Variants in TADA1 observed in about 807,000 individuals in gnomAD.
The protein encoded by TADA1 is transcriptional adapter 1.
A neutral mutation model predicts 39.3 loss-of-function variants in TADA1; 23 were observed. That is an observed-to-expected ratio of 0.58 (90% confidence interval 0.42 to 0.83). The LOEUF is 0.83. Ranked by LOEUF, TADA1 falls within the 40% of genes least tolerant of loss-of-function variation. The pLI is 0.00. For missense variants in TADA1, 352 were observed against 408.1 expected (o/e 0.86, Z 1.18); for synonymous variants, 137 against 151.8 (o/e 0.90, Z 0.72).
chr1:166,858,263 A>G lies in TADA1; in HGVS notation c.711T>C (p.Ala237=). ...NLIESPPAFT[A]PCAGQNPASH... ...AAGCTGGATTCTGACCAGCACAGGG[A>G]GCAGTAAAAGCTGGAGGGCTGAAAA... The change falls in exon 7 of 8, where the codon GCT becomes GCC. Residue 237 remains alanine, a synonymous_variant. Transcript: ENST00000367874. The G allele has an allele frequency of 1.3e-6, 2 of 1,565,616 alleles. No individual in the cohort carries two copies. The highest frequency in any genetic ancestry group is 1.7e-6 in the Non-Finnish European group (2 of 1,159,800).
intron 3 of TADA1, 63 bp downstream of exon 3, chr1:166,869,382 G>T: frequency 7.1e-7 from 1 of 1,406,222 alleles, no homozygotes; most frequent in South Asian, 1.2e-5. Flanking sequence ...GTGTCTATTA[G>T]AGAAAGCTAA....
intron 6 of TADA1, among the ~76,000 whole-genome samples, chr1:166,859,059 C>T (rs1218131932): frequency 2.0e-5 from 3 of 152,158 alleles, no homozygotes; most frequent in African/African-American, 7.2e-5. Context: ...AAGAATGATC[C>T]CAAACAGATA....
chr1:166,857,637 T>G lies in TADA1; in HGVS notation c.938A>C (p.His313Pro). 6.2e-7 allele frequency: 1 copy of G among 1,614,212 alleles called. No individual in the cohort carries two copies. The highest frequency in any genetic ancestry group is 8.5e-7 in the Non-Finnish European group (1 of 1,180,032). Residue 313 changes from histidine (H) to proline (P), a missense_variant, in exon 8 of 8, where the codon CAT (histidine) becomes CCT (proline). Around this residue, in one of 3 missense-constraint regions of TADA1, gnomAD observed 285 missense variants for 310.9 expected, o/e 0.92. Transcript: ENST00000367874. ...AACTTTGTCTTGCTGCAGCTCTTCA[T>G]GATTTGGATGCCAGAGTTTCGTGAT... The part of the protein sequence containing the change: ...RIITKLWHPN[H>P]EELQQDKVHR...
intron 6 of TADA1, 65 bp from the exon 7 acceptor site, chr1:166,858,346 G>T (rs1458981411): frequency 2.4e-6 from 3 of 1,269,274 alleles, no homozygotes; most frequent in Non-Finnish European, 3.2e-6. Flanking sequence ...GACAGGAGTG[G>T]CCTGCTAGAA....
chr1:166,861,895 A>T (rs1017254958), intron 5 of TADA1, among the ~76,000 whole-genome samples: 23 of 149,788 alleles, frequency 1.5e-4, no homozygotes, highest in South Asian at 4.2e-4. Context: ...TCCCTAAAAA[A>T]TTTTTTTTTT....
intron 5 of TADA1, 86 bp downstream of exon 5, chr1:166,862,117 T>G (rs185088312): frequency 1.4e-4 from 186 of 1,297,306 alleles, no homozygotes; most frequent in Admixed American, 4.3e-4. Context: ...GACATTTGGA[T>G]TCTTTTCTTG....
intron 1 of TADA1, among the ~76,000 whole-genome samples, chr1:166,875,558 G>A (rs76599785): frequency 0.011 from 1,679 of 152,348 alleles, 8 homozygotes; most frequent in Non-Finnish European, 0.012. Flanking sequence ...CTGTTGTAAG[G>A]ATTAGATAAT....
chr1:166,869,903 G>GC lies in TADA1; in HGVS notation c.75-50_75-49insG, dbSNP rs1553221746. On this transcript the variant is annotated intron_variant, in intron 1 of 7. Transcript: ENST00000367874. ...AGAACCACAGATTTGGCTGCTTCTAGTTTTTTTTGTTTGTTTTGTTTTTTT... is the reference window on the plus strand; with the variant it reads ...AGAACCACAGATTTGGCTGCTTCTAGCTTTTTTTTGTTTGTTTTGTTTTTTT... 6 of 1,495,408 alleles carry GC rather than the reference G, an allele frequency of 4.0e-6. No homozygotes were observed. The Admixed American group carries it at 1.1e-4, about 27-fold the overall frequency. 92.6% of individuals were successfully genotyped at this position (1,495,408 alleles called of 1,614,324 possible).
At position 166,857,487 on chromosome 1, in the gene TADA1, C is replaced by A; in HGVS notation, c.*80G>T. ...TTATATATACACTATACACTTCAGC[C>A]TTGAAATGTGGACCCAAAAAACATT... On this transcript the variant is annotated 3_prime_UTR_variant, in exon 8 of 8. Coordinates refer to ENST00000367874, the MANE Select transcript of TADA1 (RefSeq NM_053053.4). 1.3e-6 allele frequency: 2 copies of A among 1,527,106 alleles called. No individual in the cohort carries two copies. The highest frequency in any genetic ancestry group is 9.0e-7 in the Non-Finnish European group (1 of 1,116,060). 94.6% of individuals were successfully genotyped at this position (1,527,106 alleles called of 1,614,324 possible). A position where few individuals can be genotyped will look rare whatever the true frequency, so the allele number is the denominator to read the frequency against.
At chr1:166,867,606 A>G (rs1658565300) in intron 3 of TADA1, among the ~76,000 whole-genome samples, 1 of 151,292 alleles carries the variant, frequency 6.6e-6, no homozygotes, top group Non-Finnish European at 1.5e-5. Context: ...TTTTTTTTAA[A>G]CACAGTTTCA....
chr1:166,860,875 G>A (rs534334070), intron 5 of TADA1, among the ~76,000 whole-genome samples: 1 of 152,146 alleles, frequency 6.6e-6, no homozygotes, highest in Middle Eastern at 3.4e-3. Flanking sequence ...CACCATGTTG[G>A]CCAGGCTGGT....
In TADA1 at chr1:166,865,798, GAC is replaced by G; in HGVS notation, c.233-1879_233-1878del. ...AGCACCACTGCACTCCAGCATGGGC[GAC>G]AGAGTGAGACTCCGCCTCCAAAAAA... is the stretch of plus-strand genomic sequence containing the variant. On this transcript the variant is annotated intron_variant, in intron 3 of 7. Coordinates refer to ENST00000367874, the MANE Select transcript of TADA1 (RefSeq NM_053053.4). 1.3e-5 allele frequency among the ~76,000 whole-genome samples: 2 copies of G among 150,724 alleles called. 1 individual carries two copies. The highest frequency in any genetic ancestry group is 4.2e-4 in the South Asian group (2 of 4,804).
At chr1:166,865,698 A>G (rs1307919291) in intron 3 of TADA1, among the ~76,000 whole-genome samples, 1 of 152,026 alleles carries the variant, frequency 6.6e-6, no homozygotes, top group Non-Finnish European at 1.5e-5. Flanking sequence ...GGGCACCTGT[A>G]GTCCCAGCTA....
At chr1:166,858,424 T>C (rs1198746580) in intron 6 of TADA1, 143 bp from the exon 7 acceptor site, 2 of 525,508 alleles carry the variant, frequency 3.8e-6, no homozygotes, top group East Asian at 7.0e-5. Context: ...ACATGAATAA[T>C]CTGTAATTTT....
chr1:166,860,622 C>T (rs1046428749), intron 5 of TADA1, among the ~76,000 whole-genome samples: 4 of 152,158 alleles, frequency 2.6e-5, no homozygotes, highest in African/African-American at 7.2e-5. Flanking sequence ...TCTAAATTGG[C>T]TCCTCTCTCT....
At chr1:166,862,456 A>C in intron 4 of TADA1, 44 bp from the exon 5 acceptor site, 1 of 1,503,040 alleles carries the variant, frequency 6.7e-7, no homozygotes. Context: ...TTACAGTAGC[A>C]AACAAGACAC....
rs2075947 is a variant in TADA1, at chr1:166,862,167, A to C, written c.540+36T>G. The C allele has an allele frequency of 0.37, 592,923 of 1,597,718 alleles. 111,777 individuals carry two copies. The highest frequency in any genetic ancestry group is 0.53 in the Middle Eastern group (2,465 of 4,622). ...AACAACACACAAGCCTATCACATTC[A>C]ACCTGTAAGATTATTTCTGCCAACA... On this transcript the variant is annotated intron_variant, in intron 5 of 7. Transcript: ENST00000367874.
At chr1:166,859,357 C>T (rs1445924445) in intron 6 of TADA1, among the ~76,000 whole-genome samples, 2 of 152,192 alleles carry the variant, frequency 1.3e-5, no homozygotes, top group East Asian at 3.8e-4. Flanking sequence ...CCAGTTATCT[C>T]TTTACCTCTC....
chr1:166,875,479 T>G (rs921256780), intron 1 of TADA1, among the ~76,000 whole-genome samples: 3 of 152,182 alleles, frequency 2.0e-5, no homozygotes, highest in Non-Finnish European at 4.4e-5. Flanking sequence ...TTTGAAGAGT[T>G]ACTTGTCCGC....
Sources: allele counts gnomAD v4.1 joint callset (sites outside exome capture counted in the v4.1 genomes callset), GRCh38; gene constraint gnomAD v4.1.1; regional missense constraint gnomAD v4.1.1; transcripts MANE v1.5; gene names NCBI Gene and HGNC (gene_info 2026-07-23, HGNC 2026-07-21).